Variants in SYTL3 observed in about 807,000 individuals in gnomAD.
SYTL3 encodes synaptotagmin like 3.
In SYTL3, 88 loss-of-function variants were observed where a neutral mutation model predicts 82.1. That is an observed-to-expected ratio of 1.07 (90% CI 0.90 to 1.28). The LOEUF (loss-of-function observed/expected upper bound fraction) is 1.28, where lower values mean the gene tolerates loss of function less well. Among genes scored for constraint, SYTL3 ranks in the 50% most tolerant of loss-of-function variants. The pLI, the probability that SYTL3 is intolerant of heterozygous loss-of-function variation, is 0.00. For synonymous variants in SYTL3, 311 were observed against 289.4 expected (o/e 1.07, Z -0.76); for missense variants, 831 against 757.6 (o/e 1.10, Z -1.14).
At chr6:158,762,039 G>A in intron 15 of SYTL3, 37 bp from the exon 16 acceptor site, 1 of 1,481,936 alleles carries the variant, frequency 6.7e-7, no homozygotes, top group Non-Finnish European at 9.4e-7. Flanking sequence ...CGTATCAGGA[G>A]ACATGGTTTG....
chr6:158,651,922 A>AT (rs1788066466), intron 2 of SYTL3, 80 bp downstream of exon 2: 1 of 150,592 alleles, frequency 6.6e-6, no homozygotes, highest in African/African-American at 2.4e-5. Flanking sequence ...ATTTTTATGT[A>AT]TTTTTATTTT....
intron 5 of SYTL3, among the ~76,000 whole-genome samples, chr6:158,681,891 C>G (rs890071285): frequency 3.3e-5 from 5 of 152,206 alleles, no homozygotes; most frequent in African/African-American, 9.6e-5. Context: ...TTTCCTGTAG[C>G]CCATCACTTG....
intron 11 of SYTL3, among the ~76,000 whole-genome samples, chr6:158,738,937 C>T (rs1332401398): frequency 3.9e-5 from 6 of 152,212 alleles, no homozygotes; most frequent in Admixed American, 6.5e-5. Flanking sequence ...GGATTACAGG[C>T]GTGAGCCACT....
upstream of SYTL3, among the ~76,000 whole-genome samples, chr6:158,645,775 C>G (rs1232902514): frequency 6.6e-6 from 1 of 152,156 alleles, no homozygotes; most frequent in East Asian, 1.9e-4. Context: ...TCCCCTCACC[C>G]ATTCTGCCCT....
intron 11 of SYTL3, among the ~76,000 whole-genome samples, chr6:158,737,153 T>C (rs1157389968): frequency 1.3e-5 from 2 of 152,154 alleles, no homozygotes; most frequent in African/African-American, 4.8e-5. Flanking sequence ...TGCATAGGCA[T>C]GGTTCTAAGT....
chr6:158,653,925 A>G (rs968559103), intron 2 of SYTL3, among the ~76,000 whole-genome samples: 1 of 152,224 alleles, frequency 6.6e-6, no homozygotes, highest in African/African-American at 2.4e-5. Context: ...TGAAAGAAAT[A>G]GGGGCCCCTA....
intron 5 of SYTL3, among the ~76,000 whole-genome samples, chr6:158,682,491 C>G (rs1778819602): frequency 6.6e-6 from 1 of 151,370 alleles, no homozygotes; most frequent in Non-Finnish European, 1.5e-5. Context: ...TCCCGAGTAG[C>G]TGGGACTACA....
intron 8 of SYTL3, among the ~76,000 whole-genome samples, chr6:158,711,807 A>G (rs1375380948): frequency 6.6e-6 from 1 of 152,196 alleles, no homozygotes; most frequent in Non-Finnish European, 1.5e-5. Context: ...TGGCATTTGT[A>G]AACTGTCATG....
intron 11 of SYTL3, among the ~76,000 whole-genome samples, chr6:158,741,750 C>G (rs893675037): frequency 6.6e-6 from 1 of 152,154 alleles, no homozygotes; most frequent in Non-Finnish European, 1.5e-5. Flanking sequence ...GAAGACAACC[C>G]TTCAAAATGA....
Position 158,712,925 on chromosome 6 carries a change from AT to A in SYTL3, c.517-866del, listed in dbSNP as rs1156593659. Among the ~76,000 whole-genome samples the A allele has an allele frequency of 5.7e-4, 86 of 150,622 alleles. 1 individual carries two copies. The highest frequency in any genetic ancestry group is 1.9e-4 in the East Asian group (1 of 5,140). ...AGGTGCCCGCCACCTTGCCCAGCTA[AT>A]TTTTTTTTGTATTTTTAGTAGAGAC... On this transcript the variant is annotated intron_variant, in intron 8 of 17. Coordinates refer to ENST00000611299, the MANE Select transcript of SYTL3 (RefSeq NM_001242394.2).
At chr6:158,742,007 A>G (rs1301292877) in intron 11 of SYTL3, among the ~76,000 whole-genome samples, 1 of 152,204 alleles carries the variant, frequency 6.6e-6, no homozygotes, top group African/African-American at 2.4e-5. Context: ...TTGAGCCCCT[A>G]CTGCACTGTA....
At chr6:158,679,622 C>T (rs34480464) in intron 5 of SYTL3, among the ~76,000 whole-genome samples, 23,435 of 152,066 alleles carry the variant, frequency 0.15, 2,128 homozygotes, top group South Asian at 0.27. Context: ...CGAGTTTATG[C>T]CCAAATCTCT....
intron 15 of SYTL3, among the ~76,000 whole-genome samples, chr6:158,761,076 T>C: frequency 6.6e-6 from 1 of 151,962 alleles, no homozygotes; most frequent in South Asian, 2.1e-4. Flanking sequence ...AGAGGCTCCA[T>C]GACAATGTGG....
At chr6:158,663,573 G>A (rs1789631123) in intron 4 of SYTL3, 195 bp downstream of exon 4, 3 of 985,172 alleles carry the variant, frequency 3.0e-6, no homozygotes, top group South Asian at 9.4e-5. Context: ...AGGACGCTCA[G>A]GAGGAGGAGG....
upstream of SYTL3, among the ~76,000 whole-genome samples, chr6:158,646,949 C>T (rs559158402): frequency 2.0e-5 from 3 of 152,256 alleles, no homozygotes; most frequent in South Asian, 2.1e-4. Context: ...AATCTTTTTT[C>T]TTCTGCTACT....
intron 11 of SYTL3, chr6:158,726,394 C>A (rs1468257318): frequency 8.5e-6 from 2 of 236,598 alleles, no homozygotes; most frequent in Non-Finnish European, 1.7e-5. Context: ...TCTAAAGGAA[C>A]ACCTCATTGC....
chr6:158,660,303 A>T (rs987938352), intron 2 of SYTL3, among the ~76,000 whole-genome samples: 1 of 152,122 alleles, frequency 6.6e-6, no homozygotes, highest in South Asian at 2.1e-4. Context: ...AAACAAAAAA[A>T]CCCGGAACAG....
intron 5 of SYTL3, among the ~76,000 whole-genome samples, chr6:158,681,253 G>A (rs1778659254): frequency 6.6e-6 from 1 of 152,156 alleles, no homozygotes; most frequent in African/African-American, 2.4e-5. Flanking sequence ...TTGAGGTTGA[G>A]TATGGATTCC....
chr6:158,761,292 T>C (rs1237019608), intron 15 of SYTL3, among the ~76,000 whole-genome samples: 2 of 132,918 alleles, frequency 1.5e-5, no homozygotes, highest in Admixed American at 7.5e-5. Context: ...ACTGGGAGAA[T>C]GCACATTTCT....
Sources: allele counts gnomAD v4.1 joint callset (sites outside exome capture counted in the v4.1 genomes callset), GRCh38; gene constraint gnomAD v4.1.1; transcripts MANE v1.5; gene names NCBI Gene and HGNC (gene_info 2026-07-23, HGNC 2026-07-21).